TAX1BP1: variants seen among roughly 807,000 people sequenced by gnomAD.
TAX1BP1 encodes Tax1 binding protein 1.
A neutral mutation model predicts 97.7 loss-of-function variants in TAX1BP1; 62 were observed. That is an observed-to-expected ratio of 0.63 (90% CI 0.52 to 0.78). TAX1BP1 has a LOEUF of 0.78. Ranked by LOEUF, TAX1BP1 falls within the 30% of genes least tolerant of loss-of-function variation. TAX1BP1 has a pLI of 0.00. For synonymous variants in TAX1BP1, 340 were observed against 304.2 expected, an observed-to-expected ratio of 1.12 and a Z score of -1.23; for missense variants, 867 against 916.1, an observed-to-expected ratio of 0.95 and a Z score of 0.69.
intron 9 of TAX1BP1, 119 bp from the exon 10 acceptor site, chr7:27,792,947 G>A (rs748555115): frequency 1.0e-5 from 9 of 892,698 alleles, no homozygotes; most frequent in Non-Finnish European, 1.0e-5. Context: ...GGGTGACAGA[G>A]CAAGACTCTG....
rs575336683 is a variant in TAX1BP1, at chr7:27,780,665, A to G, written c.613-4498A>G. Among the ~76,000 whole-genome samples, 3 of 152,262 alleles carry G rather than the reference A, an allele frequency of 2.0e-5. No individual in the cohort carries two copies. The South Asian group carries it at 6.2e-4, about 32-fold the overall frequency. On this transcript the variant is annotated intron_variant, in intron 5 of 16. Coordinates refer to ENST00000396319, the MANE Select transcript of TAX1BP1 (RefSeq NM_006024.7). ...AATTTGTTTTTGTTTGTTTTTGCCAATTGTCATCAAGAAAAGATACAAAAG... is the reference window on the plus strand; with the variant it reads ...AATTTGTTTTTGTTTGTTTTTGCCAGTTGTCATCAAGAAAAGATACAAAAG...
intron 3 of TAX1BP1, among the ~76,000 whole-genome samples, chr7:27,758,644 G>C (rs1788313408): frequency 6.6e-6 from 1 of 152,086 alleles, no homozygotes; most frequent in South Asian, 2.1e-4. Context: ...AGGTAATTCT[G>C]ACATATGCTA....
At chr7:27,818,019 T>C (rs1790843779) in intron 15 of TAX1BP1, among the ~76,000 whole-genome samples, 1 of 152,214 alleles carries the variant, frequency 6.6e-6, no homozygotes, top group Non-Finnish European at 1.5e-5. Context: ...TTAGGAAAAC[T>C]GTCAGAACTT....
intron 1 of TAX1BP1, among the ~76,000 whole-genome samples, chr7:27,747,029 ATGAGTAGAGCC>A: frequency 6.6e-6 from 1 of 152,342 alleles, no homozygotes; most frequent in East Asian, 1.9e-4. Flanking sequence ...TGGCTAAAAT[ATGAGTAGAGCC>A]TTACTGCTGT....
At chr7:27,799,107 T>C (rs1165398003) in intron 12 of TAX1BP1, among the ~76,000 whole-genome samples, 6 of 152,224 alleles carry the variant, frequency 3.9e-5, no homozygotes, top group African/African-American at 1.4e-4. Flanking sequence ...GATTTTCTCC[T>C]GTGTTGTCTT....
At chr7:27,797,866 C>G (rs778663657) in intron 12 of TAX1BP1, among the ~76,000 whole-genome samples, 2 of 149,924 alleles carry the variant, frequency 1.3e-5, no homozygotes, top group Admixed American at 6.6e-5. Context: ...TTTAAACAAC[C>G]ATATTGAGGT....
chr7:27,794,229 G>C (rs1438453062), intron 10 of TAX1BP1, 94 bp from the exon 11 acceptor site: 14 of 1,119,804 alleles, frequency 1.3e-5, no homozygotes, highest in Non-Finnish European at 1.7e-5. Flanking sequence ...ATTTCCTAAA[G>C]TAATATGTAA....
At chr7:27,781,627 G>C (rs956057189) in intron 5 of TAX1BP1, among the ~76,000 whole-genome samples, 6 of 152,156 alleles carry the variant, frequency 3.9e-5, no homozygotes, top group Non-Finnish European at 8.8e-5. Flanking sequence ...AGTGAGTAGT[G>C]AGTGAATGTG....
At chr7:27,808,043 C>G (rs530094650) in intron 13 of TAX1BP1, among the ~76,000 whole-genome samples, 1 of 152,260 alleles carries the variant, frequency 6.6e-6, no homozygotes, top group Non-Finnish European at 1.5e-5. Context: ...GTTCCAGGCT[C>G]ATCTTGTTAT....
chr7:27,748,160 AGCCAGCAGGTTTAT>A (rs1014689192), intron 1 of TAX1BP1, among the ~76,000 whole-genome samples: 1 of 152,160 alleles, frequency 6.6e-6, no homozygotes, highest in Non-Finnish European at 1.5e-5. Context: ...TGTTACTAGG[AGCCAGCAGGTTTAT>A]ATTGGCAGCG....
chr7:27,796,022 T>C, intron 11 of TAX1BP1, 94 bp from the exon 12 acceptor site: 1 of 854,326 alleles, frequency 1.2e-6, no homozygotes, highest in Middle Eastern at 2.2e-4. Flanking sequence ...TTTACTATAT[T>C]TTACAGTATA....
intron 5 of TAX1BP1, among the ~76,000 whole-genome samples, chr7:27,773,059 GT>G (rs1788904358): frequency 6.6e-6 from 1 of 152,018 alleles, no homozygotes; most frequent in East Asian, 1.9e-4. Context: ...AAGCCAGATG[GT>G]GATTTGAGTG....
rs146488468 is a variant in TAX1BP1 at position 27,792,150 on chromosome 7, C to T, written c.1183C>T (p.Arg395Cys). ...AACGATGGCAGACCTGCATACTGCA[C>T]GCTTGGAAAACGAGAAAGTGAAAAA... ...DRTMADLHTA[R>C]LENEKVKKQL... Residue 395 changes from arginine (R) to cysteine (C), a missense_variant, in exon 9 of 17, where the codon CGC becomes TGC. By Grantham distance (180) the Arg-to-Cys change is radical (BLOSUM62 -3). Coordinates refer to ENST00000396319, the MANE Select transcript of TAX1BP1 (RefSeq NM_006024.7). 2.3e-5 allele frequency: 37 copies of T among 1,613,814 alleles called. No homozygotes were observed. Among genetic ancestry groups the T allele is most frequent in the Middle Eastern group, 3.3e-4 (2 of 6,084 alleles).
intron 13 of TAX1BP1, 28 bp downstream of exon 13, chr7:27,800,118 C>T: frequency 3.3e-6 from 5 of 1,526,324 alleles, no homozygotes; most frequent in Non-Finnish European, 4.4e-6. Flanking sequence ...TGTATGTAAA[C>T]TTAAGGCATA....
Position 27,787,451 on chromosome 7 carries a change from A to C in TAX1BP1, c.886A>C (p.Lys296Gln), listed in dbSNP as rs1216157609. The C allele has an allele frequency of 6.2e-7, 1 of 1,610,630 alleles. No individual in the cohort carries two copies. ...HLKNTEIENT[K>Q]LMSEVQTLKN... ...GAAGAATACAGAAATAGAAAATACC[A>C]AGCTTATGTCAGAGGTCCAGACTTT... Residue 296 changes from lysine (K) to glutamine (Q), a missense_variant, in exon 8 of 17, where the codon AAG (lysine) becomes CAG (glutamine). Physicochemically the swap from Lys to Gln is moderately conservative, Grantham distance 53. Coordinates refer to ENST00000396319, the MANE Select transcript of TAX1BP1 (RefSeq NM_006024.7).
intron 13 of TAX1BP1, among the ~76,000 whole-genome samples, chr7:27,810,541 A>G (rs1435632534): frequency 6.6e-6 from 1 of 152,150 alleles, no homozygotes; most frequent in Non-Finnish European, 1.5e-5. Context: ...TTGTTTTGCT[A>G]GATTAACCTT....
chr7:27,796,333 G>A, intron 12 of TAX1BP1, 114 bp downstream of exon 12: 1 of 877,402 alleles, frequency 1.1e-6, no homozygotes, highest in Non-Finnish European at 1.7e-6. Flanking sequence ...TCCATATAGT[G>A]TTACTTAGTT....
chr7:27,808,619 G>T (rs1370257345), intron 13 of TAX1BP1, among the ~76,000 whole-genome samples: 1 of 152,090 alleles, frequency 6.6e-6, no homozygotes, highest in Non-Finnish European at 1.5e-5. Flanking sequence ...TTACCAGTTG[G>T]AGTATCAGAA....
rs747927050 is a variant in TAX1BP1, at chr7:27,793,123, C to T, written c.1321C>T (p.Arg441Cys). The T allele has an allele frequency of 5.0e-6, 8 of 1,604,782 alleles. No individual in the cohort carries two copies. Among genetic ancestry groups the T allele is most frequent in the Admixed American group, 3.5e-5 (2 of 57,356 alleles). ...LRREVEDLKL[R>C]LQMAADHYKE... ...AAGAGAAGTTGAAGATCTGAAACTC[C>T]GTCTTCAGATGGCTGCAGACCATTA... The change falls in exon 10 of 17, where the codon CGT becomes TGT. Residue 441 changes from arginine (R) to cysteine (C), a missense_variant. Arg to Cys is a radical substitution (Grantham distance 180). Coordinates refer to ENST00000396319, the MANE Select transcript of TAX1BP1 (RefSeq NM_006024.7).
Sources: gnomAD v4.1 joint callset for allele counts (sites outside exome capture counted in the v4.1 genomes callset) on GRCh38, gnomAD v4.1.1 for gene constraint, MANE v1.5 for transcripts, NCBI Gene and HGNC (gene_info 2026-07-23, HGNC 2026-07-21) for gene names.